Variants in KLF12 observed in about 807,000 individuals in gnomAD.
The protein encoded by KLF12 is Krueppel-like factor 12.
Under a neutral mutation model 37.8 loss-of-function variants are expected in KLF12, and 9 were observed. The observed-to-expected ratio is 0.24, with a 90% CI of 0.14 to 0.42. The LOEUF (loss-of-function observed/expected upper bound fraction) is 0.42, where lower values mean the gene tolerates loss of function less well. Among genes scored for constraint, KLF12 ranks in the 10% least tolerant of loss-of-function variants. The pLI, the probability that KLF12 is intolerant of heterozygous loss-of-function variation, is 1.00. For missense variants in KLF12, 411 were observed against 516.0 expected (o/e 0.80, Z 1.97); for synonymous variants, 208 against 202.1 (o/e 1.03, Z -0.25).
At chr13:74,275,824 TTC>T in the KLF12 span, among the ~76,000 whole-genome samples, 1 of 114,718 alleles carries the variant, frequency 8.7e-6, no homozygotes, top group African/African-American at 3.6e-5. Flanking sequence ...CTTTCTTTCT[TTC>T]TTTCTTTCTT....
At chr13:74,134,874 A>AG (rs986852132), upstream of KLF12, among the ~76,000 whole-genome samples, 1 of 151,868 alleles carries the variant, frequency 6.6e-6, no homozygotes, top group Non-Finnish European at 1.5e-5. Flanking sequence ...CAGTGGAGGG[A>AG]GGGGGCTGTC....
chr13:73,986,414 T>C (rs1566494309), intron 2 of KLF12, among the ~76,000 whole-genome samples: 1 of 152,216 alleles, frequency 6.6e-6, no homozygotes, highest in Non-Finnish European at 1.5e-5. Context: ...TGCTTGACTA[T>C]TAATGGAATT....
At chr13:74,155,656 C>G in the KLF12 span, among the ~76,000 whole-genome samples, 5 of 140,452 alleles carry the variant, frequency 3.6e-5, no homozygotes, top group African/African-American at 9.8e-5. Flanking sequence ...AACCACCACG[C>G]CCAGCCTGTA....
intron 5 of KLF12, among the ~76,000 whole-genome samples, chr13:73,772,233 C>G (rs1880316264): frequency 6.6e-6 from 1 of 152,156 alleles, no homozygotes; most frequent in African/African-American, 2.4e-5. Flanking sequence ...CTCTACTGTG[C>G]CAGGCACTGT....
At chr13:73,939,118 G>T (rs537484246) in intron 3 of KLF12, among the ~76,000 whole-genome samples, 1 of 152,166 alleles carries the variant, frequency 6.6e-6, no homozygotes, top group Non-Finnish European at 1.5e-5. Flanking sequence ...AGAGAGGCAG[G>T]ATAACCAATG....
At chr13:73,919,603 G>A (rs1290788981) in intron 3 of KLF12, among the ~76,000 whole-genome samples, 1 of 152,016 alleles carries the variant, frequency 6.6e-6, no homozygotes, top group African/African-American at 2.4e-5. Context: ...TGCCCTAACG[G>A]GTAAATAATG....
upstream of KLF12, among the ~76,000 whole-genome samples, chr13:74,135,407 A>G (rs1878511343): frequency 1.3e-5 from 2 of 151,502 alleles, no homozygotes; most frequent in East Asian, 4.0e-4. Flanking sequence ...CGAGTCCTTG[A>G]CGCTCTCCCC....
chr13:74,226,922 T>C, the KLF12 span, among the ~76,000 whole-genome samples: 4 of 152,222 alleles, frequency 2.6e-5, no homozygotes, highest in African/African-American at 7.2e-5. Context: ...GTACCCACAG[T>C]CCCAGTGAAA....
the KLF12 span, among the ~76,000 whole-genome samples, chr13:74,213,182 G>A: frequency 2.0e-5 from 3 of 152,026 alleles, no homozygotes; most frequent in Non-Finnish European, 4.4e-5. Flanking sequence ...ACACATAAAT[G>A]GGAACGTACT....
chr13:73,905,261 A>C (rs9600184), intron 3 of KLF12, among the ~76,000 whole-genome samples: 87,222 of 151,980 alleles, frequency 0.57, 25,677 homozygotes, highest in African/African-American at 0.68. Context: ...TCAGTCACCT[A>C]TAACTTTCAA....
intron 1 of KLF12, among the ~76,000 whole-genome samples, chr13:74,000,786 G>T (rs1430326127): frequency 6.6e-6 from 1 of 152,066 alleles, no homozygotes. Flanking sequence ...CCATCATTCT[G>T]TGCACCCAGA....
At chr13:74,074,333 C>A (rs1445845118) in intron 1 of KLF12, among the ~76,000 whole-genome samples, 1 of 152,164 alleles carries the variant, frequency 6.6e-6, no homozygotes, top group Non-Finnish European at 1.5e-5. Context: ...CAGCATGTGT[C>A]CTCTTGCTCC....
At chr13:73,750,938 G>C (rs984876541) in intron 6 of KLF12, among the ~76,000 whole-genome samples, 8 of 152,154 alleles carry the variant, frequency 5.3e-5, no homozygotes, top group African/African-American at 1.7e-4. Context: ...GTGATGCAAA[G>C]GGCCTCATAC....
chr13:73,743,534 C>T (rs1878152083), intron 6 of KLF12, among the ~76,000 whole-genome samples: 1 of 152,114 alleles, frequency 6.6e-6, no homozygotes, highest in Non-Finnish European at 1.5e-5. Context: ...GTTGAATGTA[C>T]TAGAAATTAA....
intron 4 of KLF12, among the ~76,000 whole-genome samples, chr13:73,833,312 C>A (rs542777302): frequency 6.6e-6 from 1 of 152,332 alleles, no homozygotes; most frequent in South Asian, 2.1e-4. Context: ...TTCTTACCCA[C>A]AGGAGTTCAT....
At chr13:74,152,748 G>A in the KLF12 span, among the ~76,000 whole-genome samples, 7 of 151,920 alleles carry the variant, frequency 4.6e-5, no homozygotes, top group African/African-American at 1.5e-4. Context: ...TGAGGATAGT[G>A]GTGTGCACGT....
chr13:74,071,560 G>T (rs892536154), intron 1 of KLF12, among the ~76,000 whole-genome samples: 11 of 152,008 alleles, frequency 7.2e-5, no homozygotes, highest in African/African-American at 2.7e-4. Context: ...GGGCGTGGTG[G>T]CAGGCGCCTG....
At chr13:73,810,982 CTTTTTTTT>C (rs376490803) in intron 5 of KLF12, among the ~76,000 whole-genome samples, 2 of 44,808 alleles carry the variant, frequency 4.5e-5, no homozygotes, top group African/African-American at 1.7e-4. Context: ...ATTTTTCTTT[CTTTTTTTT>C]TTTTTTTTTT....
At chr13:73,867,858 T>C (rs1335393164) in intron 3 of KLF12, among the ~76,000 whole-genome samples, 1 of 151,174 alleles carries the variant, frequency 6.6e-6, no homozygotes, top group Admixed American at 6.6e-5. Context: ...CTGTCTCTAC[T>C]AAAAATAGAA....
Sources: gnomAD v4.1 joint callset for allele counts (sites outside exome capture counted in the v4.1 genomes callset) on GRCh38, gnomAD v4.1.1 for gene constraint, MANE v1.5 for transcripts, NCBI Gene and HGNC (gene_info 2026-07-23, HGNC 2026-07-21) for gene names.